COLEC10: variants seen among roughly 807,000 people sequenced by gnomAD.
The protein encoded by COLEC10 is collectin-10.
COLEC10 carries 22 observed loss-of-function variants against 28.4 expected under a neutral mutation model. The ratio of observed to expected loss-of-function variants is 0.78; its 90% CI spans 0.55 to 1.11. The LOEUF is 1.11. COLEC10 is among the 50% of genes least tolerant of loss of function. COLEC10 has a pLI of 0.00. For missense variants in COLEC10, 361 were observed against 344.1 expected (o/e 1.05, Z -0.39); for synonymous variants, 125 against 116.1 (o/e 1.08, Z -0.49).
At chr8:119,072,193 G>A (rs1587041350) in intron 1 of COLEC10, among the ~76,000 whole-genome samples, 1 of 152,174 alleles carries the variant, frequency 6.6e-6, no homozygotes, top group South Asian at 2.1e-4. Flanking sequence ...ACAAGGCAGA[G>A]CAAAGCTCTT....
At chr8:118,976,017 T>G in the COLEC10 span, among the ~76,000 whole-genome samples, 6 of 152,076 alleles carry the variant, frequency 3.9e-5, no homozygotes, top group Non-Finnish European at 8.8e-5. Flanking sequence ...CTATCTTTCA[T>G]CAATTATCTT....
chr8:119,086,071 A>G (rs1237864528), intron 1 of COLEC10, among the ~76,000 whole-genome samples: 3 of 152,292 alleles, frequency 2.0e-5, no homozygotes, highest in Admixed American at 2.0e-4. Flanking sequence ...ATTTCCTTTG[A>G]GTAAAGGGTA....
chr8:119,023,329 G>C (rs534446903), intron 2 of COLEC10, among the ~76,000 whole-genome samples: 1 of 152,150 alleles, frequency 6.6e-6, no homozygotes, highest in South Asian at 2.1e-4. Context: ...TTTCATGTAT[G>C]TATCTCATTT....
chr8:119,107,433 G>C lies in COLEC10; in HGVS notation c.*1242G>C, dbSNP rs16892053. Among the ~76,000 whole-genome samples, 6,424 of 152,246 alleles carry C rather than the reference G, an allele frequency of 0.042. 238 individuals carry two copies. The highest frequency in any genetic ancestry group is 0.19 in the East Asian group (1,000 of 5,170). ...AAATAAACAGTTCAAAGATACTCTA[G>C]ATTATCACCCTATAAACTTCTACTC... On this transcript the variant is annotated 3_prime_UTR_variant, in exon 6 of 6. Coordinates refer to ENST00000332843, the MANE Select transcript of COLEC10 (RefSeq NM_006438.5).
chr8:118,966,355 A>C, the COLEC10 span, among the ~76,000 whole-genome samples: 3 of 152,192 alleles, frequency 2.0e-5, no homozygotes, highest in African/African-American at 7.2e-5. Flanking sequence ...AACTACAAAC[A>C]AAACAGAAAG....
chr8:119,077,261 T>TTTTC (rs1815261027), intron 1 of COLEC10, among the ~76,000 whole-genome samples: 1 of 145,742 alleles, frequency 6.9e-6, no homozygotes, highest in Non-Finnish European at 1.5e-5. Context: ...TTTTTTTTTT[T>TTTTC]TTTTTTGCCT....
intron 3 of COLEC10, among the ~76,000 whole-genome samples, chr8:119,096,634 G>C (rs1258997974): frequency 6.6e-6 from 1 of 151,868 alleles, no homozygotes; most frequent in Non-Finnish European, 1.5e-5. Flanking sequence ...TTCATTAAAA[G>C]ATACTTCTCA....
chr8:119,033,355 A>G (rs1814327151), intron 2 of COLEC10, among the ~76,000 whole-genome samples: 1 of 88,954 alleles, frequency 1.1e-5, no homozygotes, highest in African/African-American at 6.5e-5. Context: ...CTTCATGACT[A>G]TAACACCAAA....
rs562790576 is a variant in COLEC10, at chr8:119,001,938, A to G, written n.122+6365A>G. The stretch of plus-strand genomic sequence containing the variant: ...TGAGCTTTGGCAATCAAAAATCAAA[A>G]CCATATTCAATTTGTCAATTACTTT... On this transcript the variant is annotated intron_variant and non_coding_transcript_variant, in intron 1 of 6. Transcript: ENST00000521788. 5.9e-5 allele frequency among the ~76,000 whole-genome samples: 9 copies of G among 152,284 alleles called. No homozygotes were observed. In the South Asian group the frequency reaches 1.9e-3, roughly 32 times the overall value.
intron 2 of COLEC10, among the ~76,000 whole-genome samples, chr8:119,052,712 C>T (rs1331502395): frequency 6.6e-6 from 1 of 152,112 alleles, no homozygotes. Flanking sequence ...GCCATTCTAT[C>T]TTCAGGGAAG....
chr8:118,957,498 G>T, the COLEC10 span, among the ~76,000 whole-genome samples: 108 of 152,310 alleles, frequency 7.1e-4, no homozygotes, highest in African/African-American at 2.6e-3. Context: ...AAGGCCAAGG[G>T]AACTGGAGAG....
chr8:119,008,671 A>G (rs1316723795), intron 1 of COLEC10, among the ~76,000 whole-genome samples: 2 of 150,424 alleles, frequency 1.3e-5, no homozygotes, highest in Non-Finnish European at 2.9e-5. Flanking sequence ...ATCGTGTGTG[A>G]TGACTAACAC....
chr8:119,063,540 T>C (rs1250701783), upstream of COLEC10, among the ~76,000 whole-genome samples: 1 of 152,084 alleles, frequency 6.6e-6, no homozygotes, highest in Non-Finnish European at 1.5e-5. Context: ...TCTCCCTCCT[T>C]TGGGTGTCTC....
At chr8:119,050,064 C>T (rs1344543874) in intron 2 of COLEC10, among the ~76,000 whole-genome samples, 4 of 152,142 alleles carry the variant, frequency 2.6e-5, no homozygotes, top group African/African-American at 9.7e-5. Context: ...CAAAGCAACT[C>T]TTTCCTGGTA....
upstream of COLEC10, among the ~76,000 whole-genome samples, chr8:119,066,687 C>T (rs947483386): frequency 2.0e-5 from 3 of 152,146 alleles, no homozygotes; most frequent in African/African-American, 7.2e-5. Flanking sequence ...TTTTAATATT[C>T]CTAATACTTA....
chr8:118,995,937 A>G (rs1484149074), intron 1 of COLEC10, among the ~76,000 whole-genome samples: 2 of 152,096 alleles, frequency 1.3e-5, no homozygotes, highest in African/African-American at 4.8e-5. Flanking sequence ...TTTTAGAGGT[A>G]CAGTACAGTA....
chr8:119,036,521 G>A (rs561204966), intron 2 of COLEC10, among the ~76,000 whole-genome samples: 35 of 152,292 alleles, frequency 2.3e-4, no homozygotes, highest in South Asian at 2.3e-3. Flanking sequence ...AGTTCTAAGA[G>A]TATGTGACAG....
Position 119,028,586 on chromosome 8 carries a change from T to G in COLEC10, n.235+19033T>G, listed in dbSNP as rs543573363. Among the ~76,000 whole-genome samples, 8 of 152,252 alleles carry G rather than the reference T, an allele frequency of 5.3e-5. No individual in the cohort carries two copies. In the South Asian group the frequency reaches 1.7e-3, roughly 32 times the overall value. ...GGAGAATAGCACGGGAAAGATCAGC[T>G]ACCATCATTCAATCACCTCCCCCTG... On this transcript the variant is annotated intron_variant and non_coding_transcript_variant, in intron 2 of 6. Coordinates refer to the COLEC10 transcript ENST00000521788.
chr8:119,064,087 A>G (rs1186008165), upstream of COLEC10, among the ~76,000 whole-genome samples: 1 of 152,190 alleles, frequency 6.6e-6, no homozygotes. Flanking sequence ...TTTAAATGTC[A>G]GTAGAAACCT....
Sources: gnomAD v4.1 joint callset for allele counts (sites outside exome capture counted in the v4.1 genomes callset) on GRCh38, gnomAD v4.1.1 for gene constraint, MANE v1.5 for transcripts, NCBI Gene and HGNC (gene_info 2026-07-23, HGNC 2026-07-21) for gene names.